Variants in TCF12 observed in about 807,000 individuals in gnomAD.
TCF12 encodes the protein transcription factor 12.
In TCF12, 45 loss-of-function variants were observed where a neutral mutation model predicts 86.0. The ratio of observed to expected loss-of-function variants is 0.52; its 90% CI spans 0.41 to 0.67. TCF12 has a LOEUF of 0.67. Ranked by LOEUF, TCF12 falls within the 30% of genes least tolerant of loss-of-function variation. The pLI, the probability that TCF12 is intolerant of heterozygous loss-of-function variation, is 0.00. For missense variants in TCF12, 881 were observed against 859.9 expected, an observed-to-expected ratio of 1.02 and a Z score of -0.31; for synonymous variants, 330 against 299.6, an observed-to-expected ratio of 1.10 and a Z score of -1.05.
intron 5 of TCF12, among the ~76,000 whole-genome samples, chr15:57,159,779 C>G (rs1322836254): frequency 6.6e-6 from 1 of 152,108 alleles, no homozygotes; most frequent in African/African-American, 2.4e-5. Flanking sequence ...TTTATGAATG[C>G]AAATCAGAAT....
rs148746077 is a variant in TCF12, at chr15:57,246,615, C to T, written c.1114+3065C>T. ...TAAAAATTCCCTATTTTTTTATTCC[C>T]AGTACCACTACCACAGTTTACAGGG... On this transcript the variant is annotated intron_variant, in intron 13 of 20. Coordinates refer to ENST00000333725, the MANE Select transcript of TCF12 (RefSeq NM_207037.2). Among the ~76,000 whole-genome samples, 255 of 151,804 alleles carry T rather than the reference C, an allele frequency of 1.7e-3. 1 individual carries two copies. The highest frequency in any genetic ancestry group is 5.9e-3 in the African/African-American group (244 of 41,392).
At chr15:56,918,561 G>T, upstream of TCF12, 1 of 270,294 alleles carries the variant, frequency 3.7e-6, no homozygotes, top group Non-Finnish European at 7.3e-6. Flanking sequence ...CCCCTCTGCC[G>T]GCCCCACTTC....
At chr15:57,024,586 G>A (rs1255434014) in intron 3 of TCF12, among the ~76,000 whole-genome samples, 3 of 152,130 alleles carry the variant, frequency 2.0e-5, no homozygotes, top group African/African-American at 4.8e-5. Context: ...TAGTAAGACT[G>A]GAATGTCAGC....
At chr15:56,943,342 AAAG>A (rs1189793696) in intron 3 of TCF12, among the ~76,000 whole-genome samples, 4 of 152,348 alleles carry the variant, frequency 2.6e-5, no homozygotes, top group Non-Finnish European at 4.4e-5. Context: ...AAGCTAAAAA[AAAG>A]AAGAGCATTA....
At chr15:57,158,850 C>T (rs2054301610) in intron 5 of TCF12, among the ~76,000 whole-genome samples, 1 of 152,220 alleles carries the variant, frequency 6.6e-6, no homozygotes, top group African/African-American at 2.4e-5. Context: ...AGTCCAGCAG[C>T]TGTGCCTGTT....
chr15:56,927,915 C>T (rs1458208849), intron 3 of TCF12, among the ~76,000 whole-genome samples: 1 of 152,112 alleles, frequency 6.6e-6, no homozygotes, highest in African/African-American at 2.4e-5. Context: ...ACATTTGGAG[C>T]ACATTTGTGC....
chr15:56,960,490 C>G (rs2061697280), intron 3 of TCF12, among the ~76,000 whole-genome samples: 1 of 147,372 alleles, frequency 6.8e-6, no homozygotes, highest in Non-Finnish European at 1.5e-5. Flanking sequence ...AGTGCAGTGG[C>G]ATAATCTCGG....
At chr15:57,256,245 G>T (rs567172158) in intron 16 of TCF12, among the ~76,000 whole-genome samples, 7 of 152,156 alleles carry the variant, frequency 4.6e-5, no homozygotes, top group Admixed American at 3.9e-4. Context: ...GACTATCCCC[G>T]CAGAGTCTTA....
chr15:57,075,792 T>TCTCTC (rs1567370227), intron 4 of TCF12, among the ~76,000 whole-genome samples: 1 of 35,152 alleles, frequency 2.8e-5, no homozygotes, highest in African/African-American at 1.0e-4. Flanking sequence ...CTTTCTTTCT[T>TCTCTC]TCTTTCTTTC....
intron 3 of TCF12, among the ~76,000 whole-genome samples, chr15:56,970,325 CA>C (rs1356744371): frequency 1.3e-5 from 2 of 151,642 alleles, no homozygotes; most frequent in Non-Finnish European, 2.9e-5. Context: ...ACTAAAAATA[CA>C]AAAATTAGCT....
chr15:57,082,754 A>G (rs1469800770), intron 4 of TCF12, among the ~76,000 whole-genome samples: 3 of 152,186 alleles, frequency 2.0e-5, no homozygotes, highest in South Asian at 2.1e-4. Flanking sequence ...CAGTTTGGCA[A>G]TATCTAGTAA....
chr15:57,064,261 A>G (rs564184828), intron 4 of TCF12, among the ~76,000 whole-genome samples: 2 of 152,366 alleles, frequency 1.3e-5, no homozygotes, highest in South Asian at 4.1e-4. Flanking sequence ...AAGCATATCA[A>G]AACAGACATA....
chr15:57,233,061 A>G (rs1395437828), intron 11 of TCF12, among the ~76,000 whole-genome samples: 3 of 121,832 alleles, frequency 2.5e-5, no homozygotes, highest in Non-Finnish European at 6.1e-5. Context: ...TATGTGTTAT[A>G]TATGTATATG....
intron 3 of TCF12, among the ~76,000 whole-genome samples, chr15:56,921,731 A>G: frequency 6.6e-6 from 1 of 151,950 alleles, no homozygotes; most frequent in East Asian, 1.9e-4. Context: ...CTGGGCTGAA[A>G]CTCAGTAATG....
intron 8 of TCF12, among the ~76,000 whole-genome samples, chr15:57,214,766 A>G (rs1432375155): frequency 6.6e-6 from 1 of 152,194 alleles, no homozygotes; most frequent in Non-Finnish European, 1.5e-5. Flanking sequence ...AGATTTTGGT[A>G]ATCACAATTG....
intron 5 of TCF12, among the ~76,000 whole-genome samples, chr15:57,126,434 A>G (rs1462342096): frequency 4.6e-5 from 7 of 152,118 alleles, no homozygotes; most frequent in African/African-American, 1.4e-4. Context: ...AGATTTCATA[A>G]TCTCTACTCT....
At chr15:57,271,526 C>T (rs1451490834) in intron 18 of TCF12, among the ~76,000 whole-genome samples, 2 of 152,198 alleles carry the variant, frequency 1.3e-5, no homozygotes, top group African/African-American at 4.8e-5. Flanking sequence ...AGGGTAATCC[C>T]CCAACCCCTT....
At position 56,918,766 on chromosome 15, in the gene TCF12, C is replaced by A. The variant is rs2059613037; in HGVS notation, c.-163C>A. ...GGAAGGGGCGGCCAGGCCCGAAAGC[C>A]GCCTCCCCCTCCCAGACCCGAGAGC... On this transcript the variant is annotated 5_prime_UTR_variant, in exon 1 of 21. Coordinates refer to ENST00000333725, the MANE Select transcript of TCF12 (RefSeq NM_207037.2). 6.1e-6 allele frequency: 1 copy of A among 163,300 alleles called. No homozygotes were observed. Among genetic ancestry groups the A allele is most frequent in the Admixed American group, 6.0e-5 (1 of 16,738 alleles). 10.1% of individuals were successfully genotyped at this position (163,300 alleles called of 1,614,324 possible).
At chr15:57,209,010 C>G (rs540101298) in intron 8 of TCF12, among the ~76,000 whole-genome samples, 27 of 152,318 alleles carry the variant, frequency 1.8e-4, no homozygotes, top group Non-Finnish European at 3.8e-4. Flanking sequence ...GTCACTGCGG[C>G]CAGCCCAAAA....
Sources: allele counts gnomAD v4.1 joint callset (sites outside exome capture counted in the v4.1 genomes callset), GRCh38; gene constraint gnomAD v4.1.1; transcripts MANE v1.5; gene names NCBI Gene and HGNC (gene_info 2026-07-23, HGNC 2026-07-21).